SETD5: variants seen among roughly 807,000 people sequenced by gnomAD.
SETD5 encodes histone-lysine N-methyltransferase SETD5.
A neutral mutation model predicts 153.3 loss-of-function variants in SETD5; 44 were observed. The observed-to-expected ratio is 0.29, with a 90% confidence interval of 0.23 to 0.37. The LOEUF is 0.37. SETD5 is among the 10% of genes least tolerant of loss of function. The pLI is 1.00. For synonymous variants in SETD5, 716 were observed against 645.2 expected, an observed-to-expected ratio of 1.11 and a Z score of -1.66; for missense variants, 1,544 against 1,768.0, an observed-to-expected ratio of 0.87 and a Z score of 2.27.
chr3:9,406,387 T>C (rs2035671868), intron 1 of SETD5, among the ~76,000 whole-genome samples: 1 of 152,162 alleles, frequency 6.6e-6, no homozygotes. Context: ...CAAACTACTA[T>C]GCCCATGGAA....
chr3:9,467,470 T>A (rs1245995805), intron 18 of SETD5, among the ~76,000 whole-genome samples: 1 of 151,910 alleles, frequency 6.6e-6, no homozygotes, highest in Admixed American at 6.6e-5. Context: ...CTGAGAGCCA[T>A]ACTCCACCCG....
intron 17 of SETD5, among the ~76,000 whole-genome samples, chr3:9,460,697 T>G (rs2043853474): frequency 6.6e-6 from 1 of 152,170 alleles, no homozygotes; most frequent in Admixed American, 6.5e-5. Flanking sequence ...GAAATTATAG[T>G]TATTCTACAT....
At chr3:9,420,825 C>T (rs540931611) in intron 1 of SETD5, among the ~76,000 whole-genome samples, 3 of 140,722 alleles carry the variant, frequency 2.1e-5, no homozygotes, top group Admixed American at 7.0e-5. Flanking sequence ...CTTAACACTT[C>T]TCTCTCATTT....
At chr3:9,435,618 A>G in intron 6 of SETD5, 110 bp from the exon 7 acceptor site, 2 of 961,060 alleles carry the variant, frequency 2.1e-6, no homozygotes, top group South Asian at 2.2e-5. Flanking sequence ...ATAAGAGTTA[A>G]TAGTGGAAGT....
chr3:9,455,372 C>G (rs2043119999), intron 17 of SETD5, among the ~76,000 whole-genome samples: 1 of 151,690 alleles, frequency 6.6e-6, no homozygotes, highest in South Asian at 2.1e-4. Context: ...TCCCAAAGTG[C>G]TGGGATTACA....
Position 9,460,025 on chromosome 3 carries a change from A to G in SETD5, c.2477-4400A>G, listed in dbSNP as rs147646721. On this transcript the variant is annotated intron_variant, in intron 17 of 22. Transcript: ENST00000402198. ...ATTTAATATAGTCTAAGTAATTGTT[A>G]GCCAAAGTAATTACACCAACCCCCT... is the stretch of plus-strand genomic sequence containing the variant. Among the ~76,000 whole-genome samples the G allele has an allele frequency of 6.2e-4, 94 of 152,182 alleles. 2 individuals are homozygous for G. In the East Asian group the frequency reaches 0.017, roughly 27 times the overall value.
At chr3:9,398,135 G>A (rs2034000787) in intron 1 of SETD5, among the ~76,000 whole-genome samples, 158 bp downstream of exon 1, 1 of 148,588 alleles carries the variant, frequency 6.7e-6, no homozygotes, top group South Asian at 2.2e-4. Flanking sequence ...CCCCCTCGCC[G>A]CCTTGCACAC....
chr3:9,451,380 T>C (rs1409556892), intron 16 of SETD5, among the ~76,000 whole-genome samples: 1 of 152,182 alleles, frequency 6.6e-6, no homozygotes, highest in East Asian at 1.9e-4. Context: ...CCAGAAGCTT[T>C]GTCTCAGAAA....
chr3:9,438,512 TG>T (rs1473602461), intron 7 of SETD5, among the ~76,000 whole-genome samples: 1 of 152,096 alleles, frequency 6.6e-6, no homozygotes, highest in East Asian at 1.9e-4. Context: ...GCCTCACAGG[TG>T]TGTTAAAATT....
chr3:9,405,277 C>G (rs1391381158), intron 1 of SETD5, among the ~76,000 whole-genome samples: 3 of 152,162 alleles, frequency 2.0e-5, no homozygotes. Flanking sequence ...GAAAGGTGGG[C>G]TCTCTTCTGT....
chr3:9,454,438 G>C (rs988143888), intron 17 of SETD5, among the ~76,000 whole-genome samples: 5 of 151,860 alleles, frequency 3.3e-5, no homozygotes, highest in African/African-American at 1.2e-4. Flanking sequence ...GGCCAACATG[G>C]TGAAACCCTG....
chr3:9,469,982 C>A (rs1342893587), intron 18 of SETD5, among the ~76,000 whole-genome samples: 1 of 152,148 alleles, frequency 6.6e-6, no homozygotes, highest in African/African-American at 2.4e-5. Context: ...CTACCTTCTC[C>A]TTCCTCCACC....
At chr3:9,445,965 G>GTTT (rs376821559) in intron 13 of SETD5, among the ~76,000 whole-genome samples, 1,611 of 84,604 alleles carry the variant, frequency 0.019, 1 homozygote, top group Non-Finnish European at 0.027. Context: ...TGAAGAGGTT[G>GTTT]TTTTTTTTTT....
chr3:9,420,843 T>TTTC (rs2038273273), intron 1 of SETD5, among the ~76,000 whole-genome samples: 1 of 152,022 alleles, frequency 6.6e-6, no homozygotes, highest in African/African-American at 2.4e-5. Context: ...TTTTTTTTTT[T>TTTC]CATGTTTCTC....
chr3:9,448,129 C>T, intron 15 of SETD5, 123 bp downstream of exon 15: 1 of 1,233,202 alleles, frequency 8.1e-7, no homozygotes, highest in Non-Finnish European at 1.1e-6. Flanking sequence ...TTCTAAAATG[C>T]TTTGACACAA....
At chr3:9,454,941 G>T (rs1305697877) in intron 17 of SETD5, among the ~76,000 whole-genome samples, 1 of 151,892 alleles carries the variant, frequency 6.6e-6, no homozygotes, top group Non-Finnish European at 1.5e-5. Flanking sequence ...AACCTTTCAG[G>T]TTGCAACAAA....
chr3:9,446,707 G>A (rs796813015), intron 13 of SETD5, among the ~76,000 whole-genome samples: 1 of 151,956 alleles, frequency 6.6e-6, no homozygotes, highest in South Asian at 2.1e-4. Flanking sequence ...TGGCCACGAC[G>A]GTCTCAATCT....
intron 17 of SETD5, among the ~76,000 whole-genome samples, chr3:9,456,853 G>A (rs1453723818): frequency 1.3e-5 from 2 of 152,018 alleles, no homozygotes; most frequent in East Asian, 3.9e-4. Flanking sequence ...GCATGCACCT[G>A]TAGTCCCAGC....
chr3:9,476,041 C>G lies in SETD5; in HGVS notation c.4279C>G (p.Leu1427Val), dbSNP rs2045826504. ...RGSGGVHQYRLQPLQGSGVKT... is the reference protein window; with the variant it reads ...RGSGGVHQYRVQPLQGSGVKT... ...GAGTGGGGGTGTGCACCAGTACCGACTCCAGCCACTGCAAGGGTCAGGAGT... is the reference window on the plus strand; with the variant it reads ...GAGTGGGGGTGTGCACCAGTACCGAGTCCAGCCACTGCAAGGGTCAGGAGT... The change falls in exon 23 of 23, where the codon CTC becomes GTC. Residue 1427 changes from leucine to valine, a missense_variant. Leu to Val is a conservative substitution (Grantham distance 32). Around this residue, in one of 9 missense-constraint regions of SETD5, gnomAD observed 302 missense variants for 277.6 expected, o/e 1.09. Coordinates refer to ENST00000402198, the MANE Select transcript of SETD5 (RefSeq NM_001080517.3). 9.3e-6 allele frequency: 15 copies of G among 1,613,970 alleles called. No homozygotes were observed. The highest frequency in any genetic ancestry group is 1.3e-5 in the Non-Finnish European group (15 of 1,179,858).
Sources: allele counts gnomAD v4.1 joint callset (sites outside exome capture counted in the v4.1 genomes callset), GRCh38; gene constraint gnomAD v4.1.1; regional missense constraint gnomAD v4.1.1; transcripts MANE v1.5; gene names NCBI Gene and HGNC (gene_info 2026-07-23, HGNC 2026-07-21).